Variants in GALNT1 observed in about 807,000 individuals in gnomAD.
GALNT1 encodes the protein polypeptide N-acetylgalactosaminyltransferase 1.
In GALNT1, 17 loss-of-function variants were observed where a neutral mutation model predicts 65.7. The observed-to-expected ratio is 0.26, with a 90% CI of 0.18 to 0.39. The LOEUF is 0.39. Ranked by LOEUF, GALNT1 falls within the 10% of genes least tolerant of loss-of-function variation. GALNT1 has a pLI of 1.00. For synonymous variants in GALNT1, 210 were observed against 219.7 expected (o/e 0.96, Z 0.39); for missense variants, 460 against 672.8 (o/e 0.68, Z 3.50).
At chr18:35,682,182 A>G (rs2047796713) in intron 4 of GALNT1, among the ~76,000 whole-genome samples, 1 of 152,146 alleles carries the variant, frequency 6.6e-6, no homozygotes, top group South Asian at 2.1e-4. Flanking sequence ...ATATTAGAAA[A>G]TATATTAGCA....
chr18:35,701,654 T>A lies in GALNT1; in HGVS notation c.1300-1243T>A, dbSNP rs183561225. Among the ~76,000 whole-genome samples, 10 of 152,150 alleles carry A rather than the reference T, an allele frequency of 6.6e-5. No homozygotes were observed. The East Asian group carries it at 1.9e-3, about 29-fold the overall frequency. On this transcript the variant is annotated intron_variant, in intron 9 of 11. Transcript: ENST00000269195. ...CTAGCTTGAATAATTGGACAAGTTG[T>A]GGGAATAGTAATAAAAATAGGGATA...
intron 7 of GALNT1, among the ~76,000 whole-genome samples, chr18:35,690,616 A>G (rs776713698): frequency 5.9e-5 from 9 of 152,156 alleles, no homozygotes; most frequent in Admixed American, 2.0e-4. Flanking sequence ...CCTTTAACCT[A>G]TGTTTTCTTT....
chr18:35,598,825 G>A (rs1568013152), intron 1 of GALNT1, among the ~76,000 whole-genome samples: 1 of 152,068 alleles, frequency 6.6e-6, no homozygotes, highest in South Asian at 2.1e-4. Context: ...CTTAATGGCT[G>A]TACTAATTTA....
intron 3 of GALNT1, among the ~76,000 whole-genome samples, chr18:35,668,859 G>GT (rs554039568): frequency 2.4e-4 from 36 of 152,252 alleles, no homozygotes; most frequent in African/African-American, 6.7e-4. Flanking sequence ...GAAATTAGTA[G>GT]TTCCTAGAAA....
At chr18:35,635,447 A>G (rs533614372) in intron 1 of GALNT1, among the ~76,000 whole-genome samples, 9 of 152,320 alleles carry the variant, frequency 5.9e-5, no homozygotes, top group Non-Finnish European at 1.2e-4. Context: ...TGCCTGGAGC[A>G]TACACAAAAA....
intron 1 of GALNT1, among the ~76,000 whole-genome samples, chr18:35,637,775 G>A (rs1191912475): frequency 6.6e-6 from 1 of 152,222 alleles, no homozygotes; most frequent in Non-Finnish European, 1.5e-5. Context: ...GTAGAGAGAA[G>A]TCAGTGCCTG....
chr18:35,657,104 A>T (rs2047401269), intron 2 of GALNT1, among the ~76,000 whole-genome samples: 1 of 151,696 alleles, frequency 6.6e-6, no homozygotes, highest in Admixed American at 6.6e-5. Context: ...TTATTTATTT[A>T]TTCATGAATG....
chr18:35,674,872 A>G (rs1268248168), intron 3 of GALNT1, among the ~76,000 whole-genome samples: 3 of 150,594 alleles, frequency 2.0e-5, no homozygotes, highest in African/African-American at 7.3e-5. Context: ...AGGACCAGCT[A>G]CTGGGGAGGC....
At chr18:35,702,017 C>CAAAAGGTTTAGGTAACTTGTATTTAAA in intron 9 of GALNT1, among the ~76,000 whole-genome samples, 1 of 152,136 alleles carries the variant, frequency 6.6e-6, no homozygotes, top group East Asian at 1.9e-4. Context: ...TTCCTGATCT[C>CAAAAGGTTTAGGTAACTTGTATTTAAA]AAAAGGTTTA....
chr18:35,662,447 C>T (rs2047490543), intron 2 of GALNT1, among the ~76,000 whole-genome samples: 1 of 152,118 alleles, frequency 6.6e-6, no homozygotes, highest in Non-Finnish European at 1.5e-5. Flanking sequence ...TGGTTGAGGA[C>T]ACAGTGAATA....
intron 1 of GALNT1, among the ~76,000 whole-genome samples, chr18:35,586,788 T>TC (rs1568010843): frequency 6.6e-6 from 1 of 152,184 alleles, no homozygotes; most frequent in East Asian, 1.9e-4. Context: ...ACACTTTTTT[T>TC]CCCCCGTTAT....
chr18:35,620,492 T>C (rs1288135605), intron 1 of GALNT1, among the ~76,000 whole-genome samples: 1 of 152,170 alleles, frequency 6.6e-6, no homozygotes, highest in East Asian at 1.9e-4. Flanking sequence ...ATTTCTGATA[T>C]AGTTGAAGCC....
chr18:35,694,908 C>T (rs77985971), intron 9 of GALNT1, among the ~76,000 whole-genome samples: 2,590 of 152,226 alleles, frequency 0.017, 74 homozygotes, highest in African/African-American at 0.058. Context: ...AAGCATAATA[C>T]GACAGTCACC....
At chr18:35,681,416 T>A (rs776021216) in intron 4 of GALNT1, among the ~76,000 whole-genome samples, 6 of 152,028 alleles carry the variant, frequency 3.9e-5, no homozygotes, top group Non-Finnish European at 5.9e-5. Flanking sequence ...GCAACAAAGA[T>A]GTCAAACAAA....
intron 4 of GALNT1, among the ~76,000 whole-genome samples, chr18:35,678,928 A>T (rs570484324): frequency 2.6e-4 from 39 of 152,360 alleles, no homozygotes; most frequent in Non-Finnish European, 5.3e-4. Context: ...TTGCCAGTTT[A>T]TACAGTTGCA....
At chr18:35,641,136 C>G (rs539436697) in intron 1 of GALNT1, among the ~76,000 whole-genome samples, 1 of 152,218 alleles carries the variant, frequency 6.6e-6, no homozygotes, top group East Asian at 1.9e-4. Flanking sequence ...AAAGATACTT[C>G]TTTTTTATTA....
At chr18:35,689,321 A>G in intron 7 of GALNT1, 31 bp downstream of exon 7, 1 of 1,241,774 alleles carries the variant, frequency 8.1e-7, no homozygotes, top group Non-Finnish European at 1.2e-6. Context: ...TTAATCTTTT[A>G]TTTAACTTCA....
At chr18:35,594,860 G>A (rs879099842) in intron 1 of GALNT1, among the ~76,000 whole-genome samples, 4 of 152,132 alleles carry the variant, frequency 2.6e-5, no homozygotes, top group Admixed American at 2.6e-4. Context: ...GTAGTTTAAG[G>A]TATAGACAGG....
intron 1 of GALNT1, among the ~76,000 whole-genome samples, chr18:35,612,512 C>T (rs1403734360): frequency 6.6e-6 from 1 of 152,140 alleles, no homozygotes; most frequent in Admixed American, 6.5e-5. Context: ...AATTTTTTAG[C>T]ATTTCCAATT....
Sources: allele counts gnomAD v4.1 joint callset (sites outside exome capture counted in the v4.1 genomes callset), GRCh38; gene constraint gnomAD v4.1.1; transcripts MANE v1.5; gene names NCBI Gene and HGNC (gene_info 2026-07-23, HGNC 2026-07-21).